The following MFGE8 variants were observed in gnomAD, a reference collection of about 807,000 sequenced individuals.
MFGE8 encodes milk fat globule EGF and factor V/VIII domain containing, also known as lactadherin.
MFGE8 carries 34 observed loss-of-function variants against 42.6 expected under a neutral mutation model. The ratio of observed to expected loss-of-function variants is 0.80; its 90% CI spans 0.61 to 1.06. The LOEUF is 1.06. MFGE8 is among the 50% of genes least tolerant of loss of function. The pLI, the probability that MFGE8 is intolerant of heterozygous loss-of-function variation, is 0.00. For missense variants in MFGE8, 510 were observed against 516.9 expected (o/e 0.99, Z 0.13); for synonymous variants, 230 against 214.8 (o/e 1.07, Z -0.62).
At chr15:88,907,802 G>A (rs1039064966) in intron 2 of MFGE8, among the ~76,000 whole-genome samples, 7 of 151,976 alleles carry the variant, frequency 4.6e-5, no homozygotes, top group Non-Finnish European at 7.4e-5. Context: ...ACAGAATACC[G>A]GTGTGACCCC....
rs917768315 is a variant in MFGE8, at chr15:88,901,822, G to A, written c.686-87C>T. The A allele has an allele frequency of 4.5e-6, 6 of 1,333,440 alleles. No individual in the cohort carries two copies. The African/African-American group carries it at 5.8e-5, about 13-fold the overall frequency. 82.6% of individuals were successfully genotyped at this position (1,333,440 alleles called of 1,614,324 possible). On this transcript the variant is annotated intron_variant, in intron 5 of 7. Coordinates refer to ENST00000268150, the MANE Select transcript of MFGE8 (RefSeq NM_005928.4). ...AAGGCGATGAAGCAGAAAGAACTCT[G>A]TGGATCCTGACCAGCCCCTGTCATG...
chr15:88,905,380 C>T lies in MFGE8; in HGVS notation c.685+377G>A, dbSNP rs948098985. 4 of 439,776 alleles carry T rather than the reference C, an allele frequency of 9.1e-6. No individual in the cohort carries two copies. Among genetic ancestry groups the T allele is most frequent in the African/African-American group, 8.0e-5 (4 of 49,802 alleles). The allele number at this position is 439,776 out of a possible 1,614,324, so 27.2% of individuals were successfully genotyped here. On this transcript the variant is annotated intron_variant, in intron 5 of 7. Transcript: ENST00000268150. The surrounding 1 kb of genome is among the most constrained non-coding windows in gnomAD (Gnocchi z 6.6). ...TATAAACCAGACACCATTCTAGGCC[C>T]TGGGAATACCGAAGCAAACAAAACA...
Position 88,905,794 on chromosome 15 carries a change from G to A in MFGE8, c.648C>T (p.Cys216=), listed in dbSNP as rs756106047. ...AGCCCAGTAGCTCAAAGCGCAGAGT[G>A]CAGGCCGTGTGGCAGCTCGTGGGGT... ...RLYPTSCHTA[C]TLRFELLGCE... Residue 216 remains cysteine, a synonymous_variant, in exon 5 of 8, where the codon TGC becomes TGT. Transcript: ENST00000268150. This position sits in a 1 kb window ranked among gnomAD's most constrained non-coding sequence, Gnocchi z 6.6. 1.2e-6 allele frequency: 2 copies of A among 1,614,220 alleles called. No individual in the cohort carries two copies. The highest frequency in any genetic ancestry group is 2.2e-5 in the East Asian group (1 of 44,872).
At chr15:88,913,171 A>T in intron 1 of MFGE8, 76 bp downstream of exon 1, 1 of 1,464,650 alleles carries the variant, frequency 6.8e-7, no homozygotes, top group Non-Finnish European at 9.0e-7. Flanking sequence ...GTGGAGGTGG[A>T]GGGCGGGCGC....
Position 88,906,404 on chromosome 15 carries a change from G to C in MFGE8, c.540+222C>G. The C allele has an allele frequency of 1.8e-6, 1 of 567,742 alleles. No individual in the cohort carries two copies. Among genetic ancestry groups the C allele is most frequent in the South Asian group, 1.9e-5 (1 of 53,142 alleles). 35.2% of individuals were successfully genotyped at this position (567,742 alleles called of 1,614,324 possible). Reference sequence around the variant, plus strand: ...CCTCAACAGGTCACTGTGCCATTTTGAATCTCACTAGTCTCATCTCTAAAG... The same window carrying C: ...CCTCAACAGGTCACTGTGCCATTTTCAATCTCACTAGTCTCATCTCTAAAG... On this transcript the variant is annotated intron_variant, in intron 4 of 7. Coordinates refer to ENST00000268150, the MANE Select transcript of MFGE8 (RefSeq NM_005928.4). The surrounding 1 kb of genome is among the most constrained non-coding windows in gnomAD (Gnocchi z 4.2).
Position 88,909,825 on chromosome 15 carries a change from G to A in MFGE8, c.172C>T (p.Leu58Phe). 1 of 1,614,252 alleles carries A rather than the reference G, an allele frequency of 6.2e-7. No individual in the cohort carries two copies. Among genetic ancestry groups the A allele is most frequent in the African/African-American group, 1.3e-5 (1 of 75,078 alleles). The change falls in exon 2 of 8, where the codon CTT becomes TTT. Residue 58 changes from leucine to phenylalanine, a missense_variant. Transcript: ENST00000268150. ...DVFPSYTCTC[L>F]KGYAGNHCET... ...CAGTGGTTGCCCGCGTAGCCCTTAA[G>A]GCACGTGCAGGTGTACGAGGGGAAG... is the stretch of plus-strand genomic sequence containing the variant.
rs758394419 is a variant in MFGE8, at chr15:88,907,208, T to TGGAA, written c.373_374insTTCC (p.Asn125IlefsTer30). 3.1e-6 allele frequency: 5 copies of TGGAA among 1,612,964 alleles called. No homozygotes were observed. In the Admixed American group the frequency reaches 8.4e-5, roughly 27 times the overall value. On this transcript the variant is annotated frameshift_variant, in exon 3 of 8. Transcript: ENST00000268150. LOFTEE classifies it high-confidence loss of function. ...CCCCAGGCATACCTGGATCCAGGGG[T>TGGAA]TATCGTCATTGCTGCTGGGTGTCCA... is the stretch of plus-strand genomic sequence containing the variant.
intron 3 of MFGE8, 96 bp downstream of exon 3, chr15:88,907,099 C>A (rs1596198362): frequency 1.4e-6 from 2 of 1,464,392 alleles, no homozygotes; most frequent in Non-Finnish European, 1.9e-6. Context: ...CCACCTGAAC[C>A]CCAGTGATGA....
intron 3 of MFGE8, 60 bp downstream of exon 3, chr15:88,907,135 C>T: frequency 1.3e-6 from 2 of 1,561,654 alleles, no homozygotes; most frequent in Non-Finnish European, 1.7e-6. Context: ...CCCCCAAATG[C>T]AGAAACATTC....
rs1359085633 is a variant in MFGE8 at position 88,901,267 on chromosome 15, G to A, written c.870+284C>T. 1.2e-4 allele frequency among the ~76,000 whole-genome samples: 11 copies of A among 95,584 alleles called. 2 individuals are homozygous for A. The highest frequency in any genetic ancestry group is 3.3e-4 in the Admixed American group (3 of 9,044). 62.7% of individuals were successfully genotyped at this position (95,584 alleles called of 152,430 possible). ...TTCACACGCACGCATTCACACGCAC[G>A]CATTCACACACACTCACATTCACAC... On this transcript the variant is annotated intron_variant, in intron 6 of 7. Coordinates refer to ENST00000268150, the MANE Select transcript of MFGE8 (RefSeq NM_005928.4).
rs1413364326 is a variant in MFGE8 at position 88,907,247 on chromosome 15, C to A, written c.335G>T (p.Gly112Val). The A allele has an allele frequency of 1.2e-6, 2 of 1,614,044 alleles. No individual in the cohort carries two copies. Among genetic ancestry groups the A allele is most frequent in the Non-Finnish European group, 1.7e-6 (2 of 1,180,036 alleles). ...GCTGGGTGTCCAGGCATTGACCATG[C>A]CTGCGCGGTTCAGGCGGGCCAGCTC... ...VPELARLNRA[G>V]MVNAWTPSSN... Residue 112 changes from glycine to valine, a missense_variant, in exon 3 of 8, where the codon GGC becomes GTC. Transcript: ENST00000268150.
At chr15:88,909,046 T>A (rs142904145) in intron 2 of MFGE8, among the ~76,000 whole-genome samples, 1 of 152,278 alleles carries the variant, frequency 6.6e-6, no homozygotes, top group African/African-American at 2.4e-5. Context: ...CACCCATCCC[T>A]GGGCCCACAT....
chr15:88,904,253 G>T (rs1045373298), intron 5 of MFGE8: 39 of 152,322 alleles, frequency 2.6e-4, no homozygotes, highest in African/African-American at 8.9e-4. Flanking sequence ...AACATCCATC[G>T]AATTAAATAA....
rs1425144022 is a variant in MFGE8, at chr15:88,899,459, A to G, written c.1100T>C (p.Val367Ala). The G allele has an allele frequency of 1.9e-6, 3 of 1,614,194 alleles. No individual in the cohort carries two copies. The highest frequency in any genetic ancestry group is 2.5e-6 in the Non-Finnish European group (3 of 1,180,028). Residue 367 changes from valine (V) to alanine (A), a missense_variant, in exon 8 of 8, where the codon GTG becomes GCG. By Grantham distance (64) the Val-to-Ala change is moderately conservative (BLOSUM62 0). Transcript: ENST00000268150. The surrounding 1 kb of genome is among the most constrained non-coding windows in gnomAD (Gnocchi z 6.8). The part of the protein sequence containing the change: ...LFETPILARY[V>A]RILPVAWHNR... ...GTGCCAGGCTACAGGCAGGATGCGC[A>G]CATAGCGAGCCAGGATGGGCGTCTC...
At chr15:88,912,773 G>A (rs1370839786) in intron 1 of MFGE8, 16 of 985,264 alleles carry the variant, frequency 1.6e-5, no homozygotes, top group Non-Finnish European at 1.9e-5. Context: ...GACCAGGCAC[G>A]GACAATTGGG....
chr15:88,899,605 A>C lies in MFGE8; in HGVS notation c.1026+51T>G. 1 of 1,614,112 alleles carries C rather than the reference A, an allele frequency of 6.2e-7. No individual in the cohort carries two copies. The highest frequency in any genetic ancestry group is 8.5e-7 in the Non-Finnish European group (1 of 1,179,980). ...CCTCAGAGCCCCAGGCCAGACTCCC[A>C]GGGAAGTAATGAAGGAATGGCAAAG... On this transcript the variant is annotated intron_variant, in intron 7 of 7. Coordinates refer to ENST00000268150, the MANE Select transcript of MFGE8 (RefSeq NM_005928.4). This position sits in a 1 kb window ranked among gnomAD's most constrained non-coding sequence, Gnocchi z 6.8.
At position 88,906,933 on chromosome 15, in the gene MFGE8, TTTC is replaced by T. The variant is rs896258383; in HGVS notation, c.388-158_388-156del. On this transcript the variant is annotated intron_variant, in intron 3 of 7. Transcript: ENST00000268150. The surrounding 1 kb of genome is among the most constrained non-coding windows in gnomAD (Gnocchi z 4.2). ...TGAGCACACTGCCCGCACAAAGGGCTTTCTTCTTCTGCCCAGGCCTCCAGAGGC... is the reference window on the plus strand; with the variant it reads ...TGAGCACACTGCCCGCACAAAGGGCTTTCTTCTGCCCAGGCCTCCAGAGGC... 3.9e-5 allele frequency among the ~76,000 whole-genome samples: 6 copies of T among 152,100 alleles called. No individual in the cohort carries two copies. The highest frequency in any genetic ancestry group is 1.3e-4 in the Admixed American group (2 of 15,274).
intron 6 of MFGE8, chr15:88,900,822 T>C (rs1898323865): frequency 3.4e-6 from 3 of 885,318 alleles, no homozygotes; most frequent in Non-Finnish European, 2.7e-6. Context: ...TCAGAGAATA[T>C]GTATGCTGTG....
rs1567214209 is a variant in MFGE8 at position 88,901,078 on chromosome 15, TACAC to T, written c.870+469_870+472del. Among the ~76,000 whole-genome samples the T allele has an allele frequency of 3.3e-5, 2 of 60,678 alleles. 1 individual carries two copies. Among genetic ancestry groups the T allele is most frequent in the Non-Finnish European group, 8.0e-5 (2 of 24,906 alleles). 39.8% of individuals were successfully genotyped at this position (60,678 alleles called of 152,430 possible). A position where few individuals can be genotyped will look rare whatever the true frequency, so the allele number is the denominator to read the frequency against. On this transcript the variant is annotated intron_variant, in intron 6 of 7. Transcript: ENST00000268150. ...ATACACATTCACATACACATTCACA[TACAC>T]ATTCACACACATTCACAAATACACA...
Sources: gnomAD v4.1 joint callset for allele counts (sites outside exome capture counted in the v4.1 genomes callset) on GRCh38, gnomAD v4.1.1 for gene constraint, Gnocchi (gnomAD v3.1) non-coding constraint, MANE v1.5 for transcripts, NCBI Gene and HGNC (gene_info 2026-07-23, HGNC 2026-07-21) for gene names.